CBFA2T2: variants seen among roughly 807,000 people sequenced by gnomAD.
The protein encoded by CBFA2T2 is CBFA2/RUNX1 partner transcriptional co-repressor 2.
Under a neutral mutation model 62.2 loss-of-function variants are expected in CBFA2T2, and 11 were observed. The observed-to-expected ratio is 0.18, with a 90% CI of 0.11 to 0.29. The LOEUF is 0.29. Among genes scored for constraint, CBFA2T2 ranks in the 10% least tolerant of loss-of-function variants. CBFA2T2 has a pLI of 1.00. For missense variants in CBFA2T2, 592 were observed against 774.1 expected (o/e 0.76, Z 2.79); for synonymous variants, 295 against 287.5 (o/e 1.03, Z -0.27).
At chr20:33,518,612 A>C (rs994358317) in intron 1 of CBFA2T2, among the ~76,000 whole-genome samples, 4 of 151,674 alleles carry the variant, frequency 2.6e-5, no homozygotes, top group African/African-American at 9.7e-5. Flanking sequence ...AATACAAAAA[A>C]AAAAAAAAAA....
Position 33,645,529 on chromosome 20 carries a change from A to G in CBFA2T2, c.*883A>G, listed in dbSNP as rs530633891. ...GCAGAACTTCTGCCACCACTTGGCTATTTGCACAGTCATCTTGTTCTGTGT... is the reference window on the plus strand; with the variant it reads ...GCAGAACTTCTGCCACCACTTGGCTGTTTGCACAGTCATCTTGTTCTGTGT... On this transcript the variant is annotated 3_prime_UTR_variant, in exon 11 of 11. Transcript: ENST00000342704. 4.6e-5 allele frequency: 7 copies of G among 152,284 alleles called. No individual in the cohort carries two copies. The highest frequency in any genetic ancestry group is 1.4e-4 in the African/African-American group (6 of 41,564). The allele number at this position is 152,284 out of a possible 1,614,324, so 9.4% of individuals were successfully genotyped here.
chr20:33,520,261 AAAG>A (rs752339090), intron 1 of CBFA2T2, among the ~76,000 whole-genome samples: 4 of 152,204 alleles, frequency 2.6e-5, no homozygotes, highest in Non-Finnish European at 5.9e-5. Flanking sequence ...ACTATTAAGG[AAAG>A]AGATCAGTTA....
At chr20:33,530,809 G>A (rs760495102) in intron 1 of CBFA2T2, among the ~76,000 whole-genome samples, 4 of 152,046 alleles carry the variant, frequency 2.6e-5, no homozygotes, top group Admixed American at 6.6e-5. Flanking sequence ...CGCCAGGCGC[G>A]GTGGCTCACA....
intron 1 of CBFA2T2, among the ~76,000 whole-genome samples, chr20:33,595,043 C>G (rs558401774): frequency 6.6e-6 from 1 of 152,310 alleles, no homozygotes; most frequent in South Asian, 2.1e-4. Flanking sequence ...TTCAGGTCAG[C>G]TGTGTTGCTA....
intron 9 of CBFA2T2, among the ~76,000 whole-genome samples, chr20:33,637,076 G>T (rs4911351): frequency 6.6e-6 from 1 of 152,118 alleles, no homozygotes; most frequent in East Asian, 1.9e-4. Context: ...TGCCACATTT[G>T]TGCCCAAATT....
chr20:33,510,450 A>G (rs1214246215), intron 1 of CBFA2T2, among the ~76,000 whole-genome samples: 2 of 151,822 alleles, frequency 1.3e-5, no homozygotes, highest in East Asian at 3.9e-4. Context: ...TGACCTCGTG[A>G]TCCGCCCGCC....
chr20:33,502,070 G>A (rs1343763570), intron 1 of CBFA2T2, among the ~76,000 whole-genome samples: 2 of 152,164 alleles, frequency 1.3e-5, no homozygotes, highest in Non-Finnish European at 2.9e-5. Flanking sequence ...GATCACAGGC[G>A]CAAGCCACCT....
intron 1 of CBFA2T2, among the ~76,000 whole-genome samples, chr20:33,536,541 G>A (rs1373766221): frequency 6.6e-6 from 1 of 151,598 alleles, no homozygotes; most frequent in Non-Finnish European, 1.5e-5. Context: ...TCCCAGACGG[G>A]GTGGCTGCCG....
intron 1 of CBFA2T2, among the ~76,000 whole-genome samples, chr20:33,524,494 G>T (rs538355088): frequency 6.6e-6 from 1 of 151,934 alleles, no homozygotes; most frequent in African/African-American, 2.4e-5. Context: ...CATTTCTCCC[G>T]CTTTGTAGTT....
intron 1 of CBFA2T2, among the ~76,000 whole-genome samples, chr20:33,533,205 G>A (rs1228579348): frequency 6.6e-6 from 1 of 152,144 alleles, no homozygotes; most frequent in African/African-American, 2.4e-5. Flanking sequence ...GTATACCTGT[G>A]AAATGATCAC....
intron 2 of CBFA2T2, among the ~76,000 whole-genome samples, chr20:33,608,728 T>C (rs753813744): frequency 2.6e-5 from 4 of 152,186 alleles, no homozygotes; most frequent in Non-Finnish European, 5.9e-5. Context: ...ATTTGGCTGC[T>C]TGGCGGTGGT....
intron 1 of CBFA2T2, among the ~76,000 whole-genome samples, chr20:33,505,279 G>A (rs910932518): frequency 3.3e-5 from 5 of 152,164 alleles, no homozygotes; most frequent in Admixed American, 3.3e-4. Flanking sequence ...CATAAGCAGT[G>A]CAGTCTTGAA....
intron 1 of CBFA2T2, among the ~76,000 whole-genome samples, chr20:33,538,379 CT>C (rs576796474): frequency 1.7e-4 from 25 of 146,728 alleles, no homozygotes; most frequent in South Asian, 2.1e-4. Context: ...TTTCTTTTTC[CT>C]TTTTTTTTTG....
chr20:33,616,122 TA>T (rs1400071939), intron 3 of CBFA2T2, among the ~76,000 whole-genome samples: 5 of 149,332 alleles, frequency 3.3e-5, no homozygotes, highest in Admixed American at 1.4e-4. Flanking sequence ...GATAGATAGA[TA>T]GATAGATAGA....
At position 33,644,633 on chromosome 20, in the gene CBFA2T2, C is replaced by G; in HGVS notation, c.1775C>G (p.Thr592Ser). ...CCTGCTTCTGTGACAGCTATCGACACCAACGGACTCTGAGCCCCGGACTCT... is the reference window on the plus strand; with the variant it reads ...CCTGCTTCTGTGACAGCTATCGACAGCAACGGACTCTGAGCCCCGGACTCT... ...STPASVTAIDTNGL is the reference protein window; with the variant it reads ...STPASVTAIDSNGL Residue 592 changes from threonine to serine, a missense_variant, in exon 11 of 11, where the codon ACC (threonine) becomes AGC (serine). Transcript: ENST00000342704. The G allele has an allele frequency of 6.2e-7, 1 of 1,604,310 alleles. No individual in the cohort carries two copies. The highest frequency in any genetic ancestry group is 1.1e-5 in the South Asian group (1 of 90,470).
chr20:33,517,450 G>T (rs1184393708), intron 1 of CBFA2T2, among the ~76,000 whole-genome samples: 72 of 129,136 alleles, frequency 5.6e-4, no homozygotes, highest in Admixed American at 2.1e-3. Flanking sequence ...GGTTTTTTTG[G>T]TGTTTTTTTT....
intron 1 of CBFA2T2, among the ~76,000 whole-genome samples, chr20:33,517,496 C>T (rs1277125811): frequency 4.2e-5 from 6 of 143,896 alleles, no homozygotes; most frequent in African/African-American, 1.5e-4. Flanking sequence ...GTTGTCCAGA[C>T]TAAAGTGCAG....
chr20:33,561,129 G>A (rs2013074500), intron 1 of CBFA2T2, among the ~76,000 whole-genome samples: 1 of 152,136 alleles, frequency 6.6e-6, no homozygotes, highest in African/African-American at 2.4e-5. Context: ...GCTTGCCTCG[G>A]CCTCCAAAAG....
At chr20:33,633,320 C>T (rs953677493) in intron 8 of CBFA2T2, among the ~76,000 whole-genome samples, 6 of 151,060 alleles carry the variant, frequency 4.0e-5, no homozygotes, top group African/African-American at 1.2e-4. Flanking sequence ...TGTGGTAAGC[C>T]GAGATCACAC....
Sources: gnomAD v4.1 joint callset for allele counts (sites outside exome capture counted in the v4.1 genomes callset) on GRCh38, gnomAD v4.1.1 for gene constraint, MANE v1.5 for transcripts, NCBI Gene and HGNC (gene_info 2026-07-23, HGNC 2026-07-21) for gene names.